Variants in KLF12 observed in about 807,000 individuals in gnomAD.
KLF12 encodes Krueppel-like factor 12.
KLF12 carries 9 observed loss-of-function variants against 37.8 expected under a neutral mutation model. The ratio of observed to expected loss-of-function variants is 0.24; its 90% CI spans 0.14 to 0.42. The LOEUF is 0.42. Among genes scored for constraint, KLF12 ranks in the 10% least tolerant of loss-of-function variants. The pLI is 1.00. For synonymous variants in KLF12, 208 were observed against 202.1 expected (o/e 1.03, Z -0.25); for missense variants, 411 against 516.0 (o/e 0.80, Z 1.97).
intron 3 of KLF12, among the ~76,000 whole-genome samples, chr13:73,903,507 C>T (rs528162813): frequency 3.9e-5 from 6 of 152,154 alleles, no homozygotes; most frequent in South Asian, 2.1e-4. Context: ...TACCTAAAGC[C>T]GAATTCAAGA....
chr13:73,791,535 G>A (rs910337006), intron 5 of KLF12, among the ~76,000 whole-genome samples: 2 of 152,150 alleles, frequency 1.3e-5, no homozygotes, highest in African/African-American at 4.8e-5. Flanking sequence ...TTAGGCATGT[G>A]TGAATGGCAG....
At chr13:73,716,137 T>C (rs1232471822) in intron 6 of KLF12, among the ~76,000 whole-genome samples, 1 of 152,230 alleles carries the variant, frequency 6.6e-6, no homozygotes, top group African/African-American at 2.4e-5. Context: ...ATAACGTGCA[T>C]TGTCTTTAAA....
chr13:73,880,670 T>G (rs188683873), intron 3 of KLF12, among the ~76,000 whole-genome samples: 1 of 152,140 alleles, frequency 6.6e-6, no homozygotes, highest in Non-Finnish European at 1.5e-5. Context: ...CTAGAATAAA[T>G]AGGCTTTTAA....
the KLF12 span, among the ~76,000 whole-genome samples, chr13:74,290,593 T>C: frequency 2.6e-5 from 4 of 152,360 alleles, no homozygotes; most frequent in South Asian, 8.3e-4. Flanking sequence ...GTCATACTTA[T>C]ACCTGCCTCT....
chr13:73,702,539 A>C (rs1874635970), intron 7 of KLF12, among the ~76,000 whole-genome samples: 2 of 152,194 alleles, frequency 1.3e-5, no homozygotes. Flanking sequence ...TGTTAAACAA[A>C]ACATCCATGT....
At chr13:73,832,299 A>G (rs779815513) in intron 4 of KLF12, among the ~76,000 whole-genome samples, 4 of 152,092 alleles carry the variant, frequency 2.6e-5, no homozygotes, top group Non-Finnish European at 5.9e-5. Flanking sequence ...CGCTTCTCCA[A>G]CTTTCGCCTC....
intron 3 of KLF12, among the ~76,000 whole-genome samples, chr13:73,852,747 AG>A (rs1885396800): frequency 6.6e-6 from 1 of 152,072 alleles, no homozygotes; most frequent in East Asian, 1.9e-4. Context: ...ACTGCACTCC[AG>A]CCTGGGTGAC....
chr13:73,808,319 C>T (rs972609965), intron 5 of KLF12, among the ~76,000 whole-genome samples: 3 of 151,920 alleles, frequency 2.0e-5, no homozygotes, highest in South Asian at 4.2e-4. Context: ...ACGCAGAGCC[C>T]GACTGTGGGT....
At chr13:73,956,416 A>G (rs1351691684) in intron 2 of KLF12, among the ~76,000 whole-genome samples, 1 of 152,202 alleles carries the variant, frequency 6.6e-6, no homozygotes. Context: ...TTTACACCAG[A>G]TAAGTCTTTC....
At chr13:73,906,819 G>C (rs968085417) in intron 3 of KLF12, among the ~76,000 whole-genome samples, 4 of 152,160 alleles carry the variant, frequency 2.6e-5, no homozygotes, top group African/African-American at 9.7e-5. Context: ...TGCTTCTTCT[G>C]AAAGTCAGGG....
intron 1 of KLF12, among the ~76,000 whole-genome samples, chr13:74,111,859 AT>A (rs1252547556): frequency 6.6e-6 from 1 of 152,246 alleles, no homozygotes; most frequent in East Asian, 1.9e-4. Context: ...AGTTCCACTT[AT>A]AAAAAAGGCA....
chr13:74,156,796 A>T, the KLF12 span, among the ~76,000 whole-genome samples: 1 of 152,198 alleles, frequency 6.6e-6, no homozygotes, highest in Non-Finnish European at 1.5e-5. Context: ...GTTGCAAATG[A>T]CTGTATCTCA....
At chr13:73,834,731 C>T (rs1884337517) in intron 4 of KLF12, among the ~76,000 whole-genome samples, 1 of 152,104 alleles carries the variant, frequency 6.6e-6, no homozygotes, top group African/African-American at 2.4e-5. Context: ...AGGCTGGTCT[C>T]GAACTTCTGA....
intron 2 of KLF12, among the ~76,000 whole-genome samples, chr13:73,958,313 G>A (rs1890910336): frequency 6.6e-6 from 1 of 151,258 alleles, no homozygotes; most frequent in African/African-American, 2.4e-5. Context: ...GTGCGATCTC[G>A]GCTCACTGCA....
At chr13:74,067,957 C>T (rs138789736) in intron 1 of KLF12, among the ~76,000 whole-genome samples, 40 of 152,238 alleles carry the variant, frequency 2.6e-4, no homozygotes, top group African/African-American at 8.9e-4. Flanking sequence ...TCCTTTTAAC[C>T]AACTTCCGCT....
At chr13:73,941,276 G>A (rs921180868) in intron 3 of KLF12, among the ~76,000 whole-genome samples, 1 of 152,034 alleles carries the variant, frequency 6.6e-6, no homozygotes, top group African/African-American at 2.4e-5. Flanking sequence ...TCCATAATCA[G>A]CTGGGCATGG....
intron 1 of KLF12, among the ~76,000 whole-genome samples, chr13:74,026,772 C>T (rs1892986969): frequency 6.6e-6 from 1 of 152,154 alleles, no homozygotes; most frequent in South Asian, 2.1e-4. Context: ...TTACATCAAT[C>T]TTTAAATTTT....
At chr13:74,076,261 T>C (rs1376294819) in intron 1 of KLF12, among the ~76,000 whole-genome samples, 4 of 152,214 alleles carry the variant, frequency 2.6e-5, no homozygotes, top group African/African-American at 7.2e-5. Context: ...CACATCTTAG[T>C]GCATTTGTGC....
intron 2 of KLF12, among the ~76,000 whole-genome samples, chr13:73,990,429 A>G (rs1292647123): frequency 6.6e-6 from 1 of 152,232 alleles, no homozygotes; most frequent in Non-Finnish European, 1.5e-5. Context: ...AGTTTGCTTC[A>G]AACTTCACAG....
Sources: gnomAD v4.1 joint callset for allele counts (sites outside exome capture counted in the v4.1 genomes callset) on GRCh38, gnomAD v4.1.1 for gene constraint, MANE v1.5 for transcripts, NCBI Gene and HGNC (gene_info 2026-07-23, HGNC 2026-07-21) for gene names.